The following CTNNA2 variants were observed in gnomAD, a reference collection of about 807,000 sequenced individuals.
CTNNA2 encodes catenin alpha-2.
CTNNA2 carries 42 observed loss-of-function variants against 101.0 expected under a neutral mutation model. The observed-to-expected ratio is 0.42, with a 90% CI of 0.32 to 0.54. CTNNA2 has a LOEUF of 0.54. Among genes scored for constraint, CTNNA2 ranks in the 20% least tolerant of loss-of-function variants. The pLI, the probability that CTNNA2 is intolerant of heterozygous loss-of-function variation, is 0.14. For missense variants in CTNNA2, 871 were observed against 1,223.1 expected, an observed-to-expected ratio of 0.71 and a Z score of 4.29; for synonymous variants, 450 against 456.4, an observed-to-expected ratio of 0.99 and a Z score of 0.18.
chr2:80,015,200 A>G (rs1333158024), intron 7 of CTNNA2, among the ~76,000 whole-genome samples: 1 of 152,104 alleles, frequency 6.6e-6, no homozygotes, highest in Non-Finnish European at 1.5e-5. Flanking sequence ...TATGTGTTCT[A>G]GATGAAGCTT....
chr2:79,742,358 A>G (rs1671348221), intron 2 of CTNNA2, among the ~76,000 whole-genome samples: 1 of 152,228 alleles, frequency 6.6e-6, no homozygotes. Context: ...TCTAAAAAAA[A>G]ATAGATTATG....
At chr2:79,215,759 G>A (rs1213078746) in intron 2 of CTNNA2, among the ~76,000 whole-genome samples, 1 of 152,152 alleles carries the variant, frequency 6.6e-6, no homozygotes, top group Non-Finnish European at 1.5e-5. Context: ...AAATTGCTGG[G>A]CAGGTGGGGG....
At chr2:79,892,197 C>T (rs1456924962) in intron 6 of CTNNA2, among the ~76,000 whole-genome samples, 1 of 151,950 alleles carries the variant, frequency 6.6e-6, no homozygotes, top group Non-Finnish European at 1.5e-5. Flanking sequence ...TTCTTTGATT[C>T]TGTTAAGATT....
intron 4 of CTNNA2, among the ~76,000 whole-genome samples, chr2:79,410,682 A>G (rs13022138): frequency 6.8e-6 from 1 of 146,070 alleles, no homozygotes; most frequent in Non-Finnish European, 1.5e-5. Flanking sequence ...CTTTTTGATG[A>G]GCTGCTGGAT....
At chr2:80,499,484 T>C (rs1687711174) in intron 9 of CTNNA2, among the ~76,000 whole-genome samples, 1 of 152,082 alleles carries the variant, frequency 6.6e-6, no homozygotes, top group Non-Finnish European at 1.5e-5. Flanking sequence ...TATAGTGTCA[T>C]TGGCCTGAAT....
intron 7 of CTNNA2, among the ~76,000 whole-genome samples, chr2:79,970,119 T>C (rs895513141): frequency 2.0e-5 from 3 of 152,138 alleles, no homozygotes; most frequent in South Asian, 2.1e-4. Flanking sequence ...ACTAATGCCT[T>C]TCTTGGGGCA....
intron 1 of CTNNA2, among the ~76,000 whole-genome samples, chr2:79,519,839 AG>A (rs1488787345): frequency 6.6e-6 from 1 of 152,294 alleles, no homozygotes; most frequent in East Asian, 1.9e-4. Flanking sequence ...CCTACATTGA[AG>A]GTACAAGTCA....
chr2:79,561,196 GCTT>G (rs771041202), intron 1 of CTNNA2, among the ~76,000 whole-genome samples: 11 of 151,804 alleles, frequency 7.2e-5, no homozygotes, highest in Non-Finnish European at 1.3e-4. Context: ...TTTGTGCCTG[GCTT>G]CTTTCCTTTA....
At chr2:80,357,764 A>C (rs528665649) in intron 7 of CTNNA2, among the ~76,000 whole-genome samples, 1 of 152,278 alleles carries the variant, frequency 6.6e-6, no homozygotes, top group East Asian at 1.9e-4. Context: ...GACTTGGGCA[A>C]ATTTATAACC....
intron 7 of CTNNA2, chr2:80,298,632 C>T (rs1675971010): frequency 6.6e-6 from 1 of 152,250 alleles, no homozygotes; most frequent in African/African-American, 2.4e-5. Context: ...CTTACATATA[C>T]TCATAAATGT....
At chr2:79,389,485 T>C (rs757358470) in intron 4 of CTNNA2, among the ~76,000 whole-genome samples, 11 of 152,206 alleles carry the variant, frequency 7.2e-5, no homozygotes, top group Non-Finnish European at 1.5e-4. Context: ...CTTTTGCACA[T>C]TTTATAAATT....
chr2:79,970,772 G>T (rs1229954429), intron 7 of CTNNA2, among the ~76,000 whole-genome samples: 2 of 151,896 alleles, frequency 1.3e-5, no homozygotes, highest in Non-Finnish European at 2.9e-5. Flanking sequence ...TTCATCCTTT[G>T]ATGAAAGCTA....
intron 1 of CTNNA2, among the ~76,000 whole-genome samples, chr2:79,593,284 AG>A (rs1249799859): frequency 6.6e-6 from 1 of 152,190 alleles, no homozygotes; most frequent in African/African-American, 2.4e-5. Flanking sequence ...TCTCAACCAT[AG>A]GATAATACAG....
At position 79,874,161 on chromosome 2, in the gene CTNNA2, C is replaced by T; in HGVS notation, c.671C>T (p.Ser224Phe). Reference sequence around the variant, plus strand: ...AATGCCACAATGCTGTACACGGCCTCTCAAGCATTTCTCCGCCACCCAGAT... The same window carrying T: ...AATGCCACAATGCTGTACACGGCCTTTCAAGCATTTCTCCGCCACCCAGAT... ...KKNATMLYTA[S>F]QAFLRHPDVA... Residue 224 changes from serine (S) to phenylalanine (F), a missense_variant, in exon 6 of 19, where the codon TCT (serine) becomes TTT (phenylalanine). This residue lies in a region of CTNNA2 where 647 missense variants were observed against 831.5 expected (regional missense o/e 0.78). Transcript: ENST00000402739. 2 of 1,614,226 alleles carry T rather than the reference C, an allele frequency of 1.2e-6. No homozygotes were observed. The highest frequency in any genetic ancestry group is 2.2e-5 in the East Asian group (1 of 44,862).
At chr2:79,777,164 T>G (rs1573941096) in intron 3 of CTNNA2, 2 of 152,144 alleles carry the variant, frequency 1.3e-5, no homozygotes, top group East Asian at 3.9e-4. Flanking sequence ...TGAGTAGGGT[T>G]CATGGGAATC....
At chr2:80,367,528 A>G (rs1420453302) in intron 7 of CTNNA2, among the ~76,000 whole-genome samples, 1 of 151,660 alleles carries the variant, frequency 6.6e-6, no homozygotes, top group Non-Finnish European at 1.5e-5. Flanking sequence ...TTTATTTTTT[A>G]TTTTATTTTA....
chr2:79,812,617 G>T (rs111511393), intron 3 of CTNNA2, among the ~76,000 whole-genome samples: 3,105 of 152,136 alleles, frequency 0.02, 94 homozygotes, highest in African/African-American at 0.07. Flanking sequence ...CTCTAACCTT[G>T]TCATTCTTCA....
intron 2 of CTNNA2, among the ~76,000 whole-genome samples, chr2:79,254,535 TC>T (rs1432518934): frequency 6.6e-6 from 1 of 152,170 alleles, no homozygotes; most frequent in Non-Finnish European, 1.5e-5. Context: ...GAGTAAAATC[TC>T]CCCGAGGCTT....
intron 9 of CTNNA2, among the ~76,000 whole-genome samples, chr2:80,465,879 A>G (rs1460974727): frequency 6.6e-6 from 1 of 151,940 alleles, no homozygotes; most frequent in Non-Finnish European, 1.5e-5. Flanking sequence ...GTATGGTGTG[A>G]TGGTTTTTAT....
Sources: gnomAD v4.1 joint callset for allele counts (sites outside exome capture counted in the v4.1 genomes callset) on GRCh38, gnomAD v4.1.1 for gene constraint, gnomAD v4.1.1 regional missense constraint, MANE v1.5 for transcripts, NCBI Gene and HGNC (gene_info 2026-07-23, HGNC 2026-07-21) for gene names.